HEY2: variants seen among roughly 807,000 people sequenced by gnomAD.
The protein encoded by HEY2 is hairy/enhancer-of-split related with YRPW motif protein 2.
HEY2 carries 10 observed loss-of-function variants against 18.1 expected under a neutral mutation model. The ratio of observed to expected loss-of-function variants is 0.55; its 90% CI spans 0.34 to 0.94. The LOEUF (loss-of-function observed/expected upper bound fraction) is 0.94, where lower values mean the gene tolerates loss of function less well. HEY2 is among the 40% of genes least tolerant of loss of function. HEY2 has a pLI of 0.02. For synonymous variants in HEY2, 210 were observed against 182.7 expected, an observed-to-expected ratio of 1.15 and a Z score of -1.21; for missense variants, 455 against 455.9, an observed-to-expected ratio of 1.00 and a Z score of 0.02.
intron 4 of HEY2, among the ~76,000 whole-genome samples, chr6:125,756,916 A>G (rs1006561678): frequency 6.6e-6 from 1 of 152,252 alleles, no homozygotes; most frequent in Non-Finnish European, 1.5e-5. Context: ...CATTCACAAA[A>G]GGGAGCTACT....
chr6:125,749,750 G>A lies in HEY2; in HGVS notation c.-27G>A, dbSNP rs1177375823. On this transcript the variant is annotated 5_prime_UTR_variant, in exon 1 of 5. Transcript: ENST00000368364. ...GCTCGGCGTCCGAGCTTCCGGCCGG[G>A]CTGTGCCCCGCGCGGTCTTCGCCGG... 4.5e-6 allele frequency: 7 copies of A among 1,546,402 alleles called. No individual in the cohort carries two copies. The highest frequency in any genetic ancestry group is 6.1e-6 in the Non-Finnish European group (7 of 1,144,044).
At chr6:125,752,453 T>C (rs1217156160) in intron 3 of HEY2, among the ~76,000 whole-genome samples, 1 of 151,638 alleles carries the variant, frequency 6.6e-6, no homozygotes, top group African/African-American at 2.4e-5. Flanking sequence ...ACCATTTTTT[T>C]CTCAAAATTT....
chr6:125,752,146 A>G, intron 3 of HEY2, 56 bp downstream of exon 3: 1 of 1,019,752 alleles, frequency 9.8e-7, no homozygotes, highest in Non-Finnish European at 1.5e-6. Context: ...CCCAAAAAAA[A>G]GCTCAAACAC....
chr6:125,752,438 A>AAAAAC (rs1441906577), intron 3 of HEY2, among the ~76,000 whole-genome samples: 1 of 151,338 alleles, frequency 6.6e-6, no homozygotes, highest in African/African-American at 2.4e-5. Flanking sequence ...AAAAAAAAAA[A>AAAAAC]AAAAACCATT....
chr6:125,759,716 T>C lies in HEY2; in HGVS notation c.928T>C (p.Ser310Pro). Residue 310 changes from serine (S) to proline (P), a missense_variant, in exon 5 of 5, where the codon TCA (serine) becomes CCA (proline). By Grantham distance (74) the Ser-to-Pro change is moderately conservative. Transcript: ENST00000368364. ...AGCCATCAGCCCGCCCTTGTCAGTA[T>C]CAGCCACGTCCAGTCCTCAGCAGAC... Reference protein sequence around the residue: ...ATAISPPLSVSATSSPQQTSS... With the variant: ...ATAISPPLSVPATSSPQQTSS... 1 of 1,613,470 alleles carries C rather than the reference T, an allele frequency of 6.2e-7. No individual in the cohort carries two copies. The highest frequency in any genetic ancestry group is 2.2e-5 in the East Asian group (1 of 44,886).
chr6:125,756,217 C>T (rs1482277615), intron 4 of HEY2, among the ~76,000 whole-genome samples: 2 of 152,168 alleles, frequency 1.3e-5, no homozygotes, highest in African/African-American at 4.8e-5. Flanking sequence ...GCTCCATACA[C>T]GTCACCTGAC....
intron 4 of HEY2, among the ~76,000 whole-genome samples, chr6:125,756,416 A>T (rs1331173455): frequency 6.6e-6 from 1 of 152,026 alleles, no homozygotes; most frequent in Non-Finnish European, 1.5e-5. Flanking sequence ...AAAAATACAA[A>T]ATTAGCTGGG....
rs1298108401 is a variant in HEY2 at position 125,761,026 on chromosome 6, T to C, written c.*1224T>C. On this transcript the variant is annotated 3_prime_UTR_variant, in exon 5 of 5. Transcript: ENST00000368364. ...ATGACAAAATAATCTCTTAATATGC[T>C]GAAATCAAGCACGTGAGAGTTTTTG... The C allele has an allele frequency of 6.6e-6, 1 of 152,670 alleles. No homozygotes were observed. Among genetic ancestry groups the C allele is most frequent in the Non-Finnish European group, 1.5e-5 (1 of 68,040 alleles). 9.5% of individuals were successfully genotyped at this position (152,670 alleles called of 1,614,324 possible).
In HEY2 at chr6:125,749,669, G is replaced by C; in HGVS notation, c.-108G>C. On this transcript the variant is annotated 5_prime_UTR_variant, in exon 1 of 5. Coordinates refer to ENST00000368364, the MANE Select transcript of HEY2 (RefSeq NM_012259.3). The stretch of plus-strand genomic sequence containing the variant: ...AGGAGCAGACCGCGCCGCCGCCGGA[G>C]CCGCGCCTGCCCAGGCCCGGGGAGG... 1.5e-6 allele frequency: 1 copy of C among 659,564 alleles called. No homozygotes were observed. The highest frequency in any genetic ancestry group is 1.9e-5 in the African/African-American group (1 of 51,674). The allele number at this position is 659,564 out of a possible 1,614,324, so 40.9% of individuals were successfully genotyped here.
At position 125,753,569 on chromosome 6, in the gene HEY2, G is replaced by GA. The variant is rs573619783; in HGVS notation, c.247-887dup. ...AATAAACCTTAGTGTCCTTAAAAAA[G>GA]AAAAAAAAAGAGAACATATTGGTAA... On this transcript the variant is annotated intron_variant, in intron 3 of 4. Coordinates refer to ENST00000368364, the MANE Select transcript of HEY2 (RefSeq NM_012259.3). Among the ~76,000 whole-genome samples, 74 of 149,272 alleles carry GA rather than the reference G, an allele frequency of 5.0e-4. No individual in the cohort carries two copies. The South Asian group carries it at 5.3e-3, about 11-fold the overall frequency.
At chr6:125,753,153 T>C (rs1276013241) in intron 3 of HEY2, among the ~76,000 whole-genome samples, 2 of 152,196 alleles carry the variant, frequency 1.3e-5, no homozygotes, top group East Asian at 1.9e-4. Context: ...CTAAAAATAA[T>C]GTGGAAATTG....
In HEY2 at chr6:125,759,565, CCT is replaced by C. The variant is rs752739244; in HGVS notation, c.782_783del (p.Ser261CysfsTer64). On this transcript the variant is annotated frameshift_variant, in exon 5 of 5. Transcript: ENST00000368364. LOFTEE classifies it low-confidence loss of function (END_TRUNC). ...CACCTCTCTCCACCTCTCTCTTGTC[CCT>C]CTCTGCCACCGTCCACGCCGCAGCC... ...VPPLSTSLLSLSATVHAAAAA... is the reference protein window; with the variant it reads ...VPPLSTSLLSXSATVHAAAAA... 2.5e-6 allele frequency: 4 copies of C among 1,610,842 alleles called. No individual in the cohort carries two copies. Among genetic ancestry groups the C allele is most frequent in the Non-Finnish European group, 3.4e-6 (4 of 1,179,892 alleles).
chr6:125,754,436 ATTATTTAT>A (rs373871800), intron 3 of HEY2, 21 bp from the exon 4 acceptor site: 11 of 1,302,386 alleles, frequency 8.4e-6, no homozygotes, highest in Non-Finnish European at 1.2e-5. Flanking sequence ...AGGACATAGG[ATTATTTAT>A]TTATTTATTT....
intron 3 of HEY2, 94 bp from the exon 4 acceptor site, chr6:125,754,371 G>C (rs923331827): frequency 1.6e-6 from 1 of 620,298 alleles, no homozygotes; most frequent in Non-Finnish European, 2.5e-6. Context: ...TAGTGAGAGG[G>C]AAATTGAAGC....
At chr6:125,751,444 A>G (rs892717537) in intron 1 of HEY2, among the ~76,000 whole-genome samples, 2 of 152,222 alleles carry the variant, frequency 1.3e-5, no homozygotes, top group Non-Finnish European at 2.9e-5. Context: ...AGGGAGAAGG[A>G]AAGCTATTTG....
In HEY2 at chr6:125,759,280, G is replaced by A. The variant is rs147479263; in HGVS notation, c.492G>A (p.Arg164=). 8.7e-6 allele frequency: 14 copies of A among 1,606,452 alleles called. No individual in the cohort carries two copies. The African/African-American group carries it at 1.9e-4, about 21-fold the overall frequency. ...ATCTCAGCACTTGCGCCACCCAGCG[G>A]GAGGCGGCGGCCATGACATCCTCCA... is the stretch of plus-strand genomic sequence containing the variant. ...VSHLSTCATQ[R]EAAAMTSSMA... is the part of the protein sequence containing the mutation. The change falls in exon 5 of 5, where the codon CGG becomes CGA. Residue 164 remains arginine, a synonymous_variant. Transcript: ENST00000368364.
In HEY2 at chr6:125,759,473, G is replaced by T; in HGVS notation, c.685G>T (p.Ala229Ser). ...PPAHGSALLT[A>S]TFAHADSALR... is the part of the protein sequence containing the mutation. ...TGCCCACGGCTCTGCTCTCCTCACG[G>T]CCACGTTTGCCCATGCGGATTCAGC... is the stretch of plus-strand genomic sequence containing the variant. Residue 229 changes from alanine (A) to serine (S), a missense_variant, in exon 5 of 5, where the codon GCC (alanine) becomes TCC (serine). By Grantham distance (99) the Ala-to-Ser change is moderately conservative. Coordinates refer to ENST00000368364, the MANE Select transcript of HEY2 (RefSeq NM_012259.3). 1.2e-6 allele frequency: 2 copies of T among 1,611,302 alleles called. No individual in the cohort carries two copies. The highest frequency in any genetic ancestry group is 8.5e-7 in the Non-Finnish European group (1 of 1,179,966).
chr6:125,749,850 A>G lies in HEY2; in HGVS notation c.74A>G (p.Asn25Ser), dbSNP rs1321351032. The change falls in exon 1 of 5, where the codon AAT becomes AGT. Residue 25 changes from asparagine to serine, a missense_variant. Physicochemically the swap from Asn to Ser is conservative, Grantham distance 46. Transcript: ENST00000368364. ...ACCATCGACGTGGGGAGCGAGAACA[A>G]TTACTCGGGGTGAGCGCGGGCTCCG... ...DETIDVGSENNYSGQSTSSVI... is the reference protein window; with the variant it reads ...DETIDVGSENSYSGQSTSSVI... The G allele has an allele frequency of 6.3e-6, 10 of 1,576,790 alleles. No homozygotes were observed. The highest frequency in any genetic ancestry group is 2.4e-5 in the East Asian group (1 of 42,256).
chr6:125,753,505 T>C (rs1311922432), intron 3 of HEY2, among the ~76,000 whole-genome samples: 1 of 152,074 alleles, frequency 6.6e-6, no homozygotes, highest in East Asian at 1.9e-4. Flanking sequence ...TACGTGGTGC[T>C]GATAATTTTT....
Sources: gnomAD v4.1 joint callset for allele counts (sites outside exome capture counted in the v4.1 genomes callset) on GRCh38, gnomAD v4.1.1 for gene constraint, MANE v1.5 for transcripts, NCBI Gene and HGNC (gene_info 2026-07-23, HGNC 2026-07-21) for gene names.